PNPT1: variants seen among roughly 807,000 people sequenced by gnomAD.
The protein encoded by PNPT1 is polyribonucleotide nucleotidyltransferase 1, also known as polyribonucleotide nucleotidyltransferase 1, mitochondrial.
PNPT1 carries 53 observed loss-of-function variants against 119.5 expected under a neutral mutation model. That is an observed-to-expected ratio of 0.44 (90% CI 0.36 to 0.56). The LOEUF is 0.56. Among genes scored for constraint, PNPT1 ranks in the 20% least tolerant of loss-of-function variants. The probability of loss-of-function intolerance (pLI) is 0.00; values close to 1 mark genes in which losing one functional copy is unlikely to be tolerated. For synonymous variants in PNPT1, 357 were observed against 322.1 expected (o/e 1.11, Z -1.16); for missense variants, 948 against 938.5 (o/e 1.01, Z -0.13).
intron 26 of PNPT1, among the ~76,000 whole-genome samples, chr2:55,638,172 C>T (rs974918118): frequency 1.6e-4 from 24 of 148,724 alleles, no homozygotes; most frequent in African/African-American, 6.0e-4. Flanking sequence ...TGTCGTGGCA[C>T]ACGCCTGTAG....
At chr2:55,651,525 T>C (rs971064131) in intron 18 of PNPT1, among the ~76,000 whole-genome samples, 4 of 152,182 alleles carry the variant, frequency 2.6e-5, no homozygotes, top group Non-Finnish European at 2.9e-5. Flanking sequence ...CAGGGTTGAA[T>C]AGATTAAGGG....
At position 55,651,540 on chromosome 2, in the gene PNPT1, G is replaced by A. The variant is rs183693258; in HGVS notation, c.1495+3360C>T. 2.6e-5 allele frequency among the ~76,000 whole-genome samples: 4 copies of A among 152,250 alleles called. No homozygotes were observed. In the East Asian group the frequency reaches 7.7e-4, roughly 29 times the overall value. On this transcript the variant is annotated intron_variant, in intron 18 of 27. Transcript: ENST00000447944. ...CAGGGTTGAATAGATTAAGGGCGGT[G>A]CAAGATGTGCTTTGTTAAACAGACG...
At chr2:55,673,223 A>C in intron 8 of PNPT1, 144 bp from the exon 9 acceptor site, 1 of 602,626 alleles carries the variant, frequency 1.7e-6, no homozygotes, top group Non-Finnish European at 2.7e-6. Flanking sequence ...TTTCCTCAGA[A>C]TCAACATACT....
intron 1 of PNPT1, 145 bp downstream of exon 1, chr2:55,693,518 A>G: frequency 8.3e-7 from 1 of 1,211,918 alleles, no homozygotes; most frequent in Non-Finnish European, 1.1e-6. Context: ...CCAAACCCGG[A>G]AAGGGAAATT....
Position 55,671,315 on chromosome 2 carries a change from T to G in PNPT1, c.976+4A>C, listed in dbSNP as rs372756807. 3 of 1,469,074 alleles carry G rather than the reference T, an allele frequency of 2.0e-6. No individual in the cohort carries two copies. Among genetic ancestry groups the G allele is most frequent in the African/African-American group, 2.9e-5 (2 of 68,962 alleles). The allele number at this position is 1,469,074 out of a possible 1,614,324, so 91.0% of individuals were successfully genotyped here. A position where few individuals can be genotyped will look rare whatever the true frequency, so the allele number is the denominator to read the frequency against. ...AAAATAAAATAAAATAAAATAAAAT[T>G]TACCTTTTAGTTGTTCCTCCGTATC... On this transcript the variant is annotated splice_donor_region_variant and intron_variant, in intron 11 of 27. Transcript: ENST00000447944.
intron 11 of PNPT1, among the ~76,000 whole-genome samples, chr2:55,670,060 G>GT (rs1166921643): frequency 6.6e-6 from 1 of 151,594 alleles, no homozygotes; most frequent in African/African-American, 2.4e-5. Context: ...CGCCTGGCCA[G>GT]TTTTTTATCT....
chr2:55,667,167 G>A, intron 12 of PNPT1, 74 bp from the exon 13 acceptor site: 1 of 1,157,306 alleles, frequency 8.6e-7, no homozygotes, highest in Non-Finnish European at 1.3e-6. Context: ...ATCTCTCCCA[G>A]GAAGTTCTCA....
intron 11 of PNPT1, among the ~76,000 whole-genome samples, chr2:55,668,469 G>C (rs1427263144): frequency 6.6e-6 from 1 of 152,144 alleles, no homozygotes; most frequent in Non-Finnish European, 1.5e-5. Flanking sequence ...AACTCCTGAA[G>C]TCAGGCAATC....
At chr2:55,642,480 G>A (rs771080208) in intron 25 of PNPT1, among the ~76,000 whole-genome samples, 57 of 151,698 alleles carry the variant, frequency 3.8e-4, no homozygotes, top group Non-Finnish European at 5.9e-4. Context: ...GTGGTGGCGG[G>A]CACCTGCAGT....
chr2:55,691,878 A>ATATATATATATTTTT (rs1326804958), intron 1 of PNPT1, among the ~76,000 whole-genome samples: 8 of 33,084 alleles, frequency 2.4e-4, no homozygotes, highest in Non-Finnish European at 4.7e-4. Context: ...ATATATATAT[A>ATATATATATATTTTT]TTTTTTTTTT....
At chr2:55,657,676 G>A (rs1343902423) in intron 15 of PNPT1, among the ~76,000 whole-genome samples, 7 of 151,058 alleles carry the variant, frequency 4.6e-5, no homozygotes, top group African/African-American at 1.5e-4. Context: ...ATGAGCCACC[G>A]CTCTTAAATG....
rs1161141691 is a variant in PNPT1, at chr2:55,636,190, TCAC to T, written c.*44_*46del. 4.7e-6 allele frequency: 7 copies of T among 1,479,902 alleles called. No homozygotes were observed. Among genetic ancestry groups the T allele is most frequent in the Non-Finnish European group, 6.5e-6 (7 of 1,077,556 alleles). 91.7% of individuals were successfully genotyped at this position (1,479,902 alleles called of 1,614,324 possible). A position where few individuals can be genotyped will look rare whatever the true frequency, so the allele number is the denominator to read the frequency against. ...TACTAAAATGTTGCTCTACAGCACA[TCAC>T]CCTAGACAAAATAGAATTCTAGAAT... On this transcript the variant is annotated 3_prime_UTR_variant, in exon 28 of 28. Coordinates refer to ENST00000447944, the MANE Select transcript of PNPT1 (RefSeq NM_033109.5).
chr2:55,643,562 T>G, intron 23 of PNPT1, 137 bp from the exon 24 acceptor site: 1 of 692,566 alleles, frequency 1.4e-6, no homozygotes, highest in South Asian at 1.8e-5. Flanking sequence ...CTGGGCAACA[T>G]AGGGAGAGCC....
intron 3 of PNPT1, among the ~76,000 whole-genome samples, chr2:55,686,144 G>C (rs1166758113): frequency 6.6e-6 from 1 of 152,144 alleles, no homozygotes; most frequent in Non-Finnish European, 1.5e-5. Context: ...CAATCTTCTT[G>C]TCAACTTACG....
At chr2:55,667,591 AAAAAAAC>A (rs1572819030) in intron 12 of PNPT1, among the ~76,000 whole-genome samples, 1 of 151,948 alleles carries the variant, frequency 6.6e-6, no homozygotes, top group East Asian at 1.9e-4. Context: ...GTCTCAAAAA[AAAAAAAC>A]AAAAAACAAA....
Position 55,643,309 on chromosome 2 carries a change from C to G in PNPT1, c.2013+10G>C. 1.2e-6 allele frequency: 2 copies of G among 1,611,228 alleles called. No homozygotes were observed. Among genetic ancestry groups the G allele is most frequent in the Non-Finnish European group, 1.7e-6 (2 of 1,177,380 alleles). On this transcript the variant is annotated intron_variant, in intron 24 of 27. Coordinates refer to ENST00000447944, the MANE Select transcript of PNPT1 (RefSeq NM_033109.5). ...CTATATGATACGTAATTAATATGAT[C>G]TATACTTACATCATCCTTGCAGATT...
Position 55,636,186 on chromosome 2 carries a change from C to T in PNPT1, c.*51G>A, listed in dbSNP as rs1695665234. On this transcript the variant is annotated 3_prime_UTR_variant, in exon 28 of 28. Coordinates refer to ENST00000447944, the MANE Select transcript of PNPT1 (RefSeq NM_033109.5). ...ATACTACTAAAATGTTGCTCTACAGCACATCACCCTAGACAAAATAGAATT... is the reference window on the plus strand; with the variant it reads ...ATACTACTAAAATGTTGCTCTACAGTACATCACCCTAGACAAAATAGAATT... 2.1e-6 allele frequency: 3 copies of T among 1,436,370 alleles called. No individual in the cohort carries two copies. The highest frequency in any genetic ancestry group is 2.9e-6 in the Non-Finnish European group (3 of 1,042,626). The allele number at this position is 1,436,370 out of a possible 1,614,324, so 89.0% of individuals were successfully genotyped here. A position where few individuals can be genotyped will look rare whatever the true frequency, so the allele number is the denominator to read the frequency against.
intron 1 of PNPT1, 47 bp downstream of exon 1, chr2:55,693,616 G>A: frequency 1.2e-6 from 2 of 1,602,186 alleles, no homozygotes; most frequent in South Asian, 2.2e-5. Context: ...CAAGCTGGCT[G>A]GACAAGACAC....
Position 55,656,128 on chromosome 2 carries a change from T to C in PNPT1, c.1441+3A>G, listed in dbSNP as rs1696378742. On this transcript the variant is annotated splice_donor_region_variant and intron_variant, in intron 17 of 27. Coordinates refer to ENST00000447944, the MANE Select transcript of PNPT1 (RefSeq NM_033109.5). ...CTATGAAAGAAGTATTTCAATACCA[T>C]ACCATTTGACTCTAGGACTTCAGAT... 2.5e-6 allele frequency: 4 copies of C among 1,611,696 alleles called. No individual in the cohort carries two copies. The highest frequency in any genetic ancestry group is 1.7e-6 in the Non-Finnish European group (2 of 1,179,162).
Sources: gnomAD v4.1 joint callset for allele counts (sites outside exome capture counted in the v4.1 genomes callset) on GRCh38, gnomAD v4.1.1 for gene constraint, MANE v1.5 for transcripts, NCBI Gene and HGNC (gene_info 2026-07-23, HGNC 2026-07-21) for gene names.